UGT1A8: variants seen among roughly 807,000 people sequenced by gnomAD.
UGT1A8 encodes the protein UDP glucuronosyltransferase family 1 member A8.
A neutral mutation model predicts 45.3 loss-of-function variants in UGT1A8; 39 were observed. The ratio of observed to expected loss-of-function variants is 0.86; its 90% CI spans 0.67 to 1.12. The LOEUF (loss-of-function observed/expected upper bound fraction) is 1.12. Among genes scored for constraint, UGT1A8 ranks in the 50% most tolerant of loss-of-function variants. UGT1A8 has a pLI of 0.00. For missense variants in UGT1A8, 719 were observed against 664.9 expected, an observed-to-expected ratio of 1.08 and a Z score of -0.90; for synonymous variants, 275 against 249.2, an observed-to-expected ratio of 1.10 and a Z score of -0.97.
chr2:233,618,254 T>C lies in UGT1A8; in HGVS notation c.547T>C (p.Cys183Arg). The C allele has an allele frequency of 1.2e-6, 2 of 1,613,982 alleles. No individual in the cohort carries two copies. Among genetic ancestry groups the C allele is most frequent in the Non-Finnish European group, 1.7e-6 (2 of 1,179,860 alleles). The change falls in exon 1 of 5, where the codon TGC becomes CGC. Residue 183 changes from cysteine (C) to arginine (R), a missense_variant. Transcript: ENST00000373450. ...CCACTATCTTGAAGAAGGTGCACAG[T>C]GCCCTGCTCCTCTTTCCTATGTCCC... ...ACHYLEEGAQ[C>R]PAPLSYVPRI...
intron 1 of UGT1A8, among the ~76,000 whole-genome samples, chr2:233,652,245 C>T (rs1339709447): frequency 1.3e-5 from 2 of 152,168 alleles, no homozygotes; most frequent in African/African-American, 4.8e-5. Flanking sequence ...TCCAAGGCCT[C>T]TCACCAGGAT....
At chr2:233,753,221 CTTCTTGTAT>C (rs979493311) in intron 1 of UGT1A8, 4 of 152,156 alleles carry the variant, frequency 2.6e-5, no homozygotes, top group African/African-American at 9.7e-5. Flanking sequence ...TATTTTGATA[CTTCTTGTAT>C]AGTTATTATT....
Position 233,767,033 on chromosome 2 carries a change from G to A in UGT1A8, c.856-1G>A, listed in dbSNP as rs1285708223. The stretch of plus-strand genomic sequence containing the variant: ...ACTGAAAATTTTTCTTCTGGCTCTA[G>A]GAATTTGAAGCCTACATTAATGCTT... On this transcript the variant is annotated splice_acceptor_variant, in intron 1 of 4. Coordinates refer to ENST00000373450, the MANE Select transcript of UGT1A8 (RefSeq NM_019076.5). LOFTEE classifies it high-confidence loss of function. 3 of 1,614,026 alleles carry A rather than the reference G, an allele frequency of 1.9e-6. No individual in the cohort carries two copies. The highest frequency in any genetic ancestry group is 2.5e-6 in the Non-Finnish European group (3 of 1,180,004).
At chr2:233,637,324 A>G (rs200910522) in intron 1 of UGT1A8, 17 of 1,614,002 alleles carry the variant, frequency 1.1e-5, no homozygotes, top group East Asian at 2.2e-5. Flanking sequence ...CGTGATGCCC[A>G]ACATGATCTT....
chr2:233,637,303 T>C, intron 1 of UGT1A8: 1 of 1,613,958 alleles, frequency 6.2e-7, no homozygotes, highest in Non-Finnish European at 8.5e-7. Flanking sequence ...TGTTTTGGAC[T>C]ATCCCAAACC....
At chr2:233,747,246 G>A (rs1208197105) in intron 1 of UGT1A8, 9 of 1,601,988 alleles carry the variant, frequency 5.6e-6, no homozygotes, top group Non-Finnish European at 6.8e-6. Context: ...CCCTGCTGTG[G>A]CTGGCCACAG....
chr2:233,690,402 C>T (rs1273231905), intron 1 of UGT1A8: 1 of 1,162,898 alleles, frequency 8.6e-7, no homozygotes, highest in Admixed American at 2.5e-5. Flanking sequence ...TTCCTATTCC[C>T]AACATGAAAT....
Position 233,772,368 on chromosome 2 carries a change from G to A in UGT1A8, c.1402G>A (p.Ala468Thr), listed in dbSNP as rs775532505. Residue 468 changes from alanine to threonine, a missense_variant, in exon 5 of 5, where the codon GCG (alanine) becomes ACG (threonine). Physicochemically the swap from Ala to Thr is moderately conservative, Grantham distance 58. Transcript: ENST00000373450. ...GGAGTTTGTGATGAGGCACAAGGGC[G>A]CGCCACACCTGCGCCCCGCAGCCCA... ...WVEFVMRHKG[A>T]PHLRPAAHDL... 1.1e-4 allele frequency: 174 copies of A among 1,614,102 alleles called. No individual in the cohort carries two copies. In the Middle Eastern group the frequency reaches 1.6e-3, roughly 15 times the overall value.
At chr2:233,717,988 A>G (rs2076619845) in intron 1 of UGT1A8, 1 of 440,500 alleles carries the variant, frequency 2.3e-6, no homozygotes. Context: ...AGGAATTCAG[A>G]CTGTGCAAGA....
intron 1 of UGT1A8, among the ~76,000 whole-genome samples, chr2:233,661,623 T>TTTTCTTTCTTTCTTTCCTTCTTTC: frequency 2.4e-5 from 3 of 124,046 alleles, no homozygotes; most frequent in African/African-American, 9.6e-5. Context: ...ACTTACTGAA[T>TTTTCTTTCTTTCTTTCCTTCTTTC]TTTCTTTCTT....
At chr2:233,731,004 T>C (rs2078096458) in intron 1 of UGT1A8, among the ~76,000 whole-genome samples, 1 of 152,244 alleles carries the variant, frequency 6.6e-6, no homozygotes, top group South Asian at 2.1e-4. Flanking sequence ...CTGTGCCATG[T>C]ACATCGTGAG....
chr2:233,731,619 C>CT (rs1415396682), intron 1 of UGT1A8, among the ~76,000 whole-genome samples: 1 of 152,134 alleles, frequency 6.6e-6, no homozygotes, highest in Non-Finnish European at 1.5e-5. Context: ...TGAACTCATC[C>CT]TTTTTTATGG....
Position 233,712,954 on chromosome 2 carries a change from G to T in UGT1A8, c.856-54080G>T, listed in dbSNP as rs367675101. On this transcript the variant is annotated intron_variant, in intron 1 of 4. Coordinates refer to ENST00000373450, the MANE Select transcript of UGT1A8 (RefSeq NM_019076.5). ...AGGAAACAATTCTAGGAGGCACAAC[G>T]TGGGGTGGACAGTCAGCTGTCGGTG... 79 of 1,612,730 alleles carry T rather than the reference G, an allele frequency of 4.9e-5. No individual in the cohort carries two copies. In the African/African-American group the frequency reaches 8.8e-4, roughly 18 times the overall value.
intron 1 of UGT1A8, among the ~76,000 whole-genome samples, chr2:233,621,389 A>C (rs190571964): frequency 6.6e-6 from 1 of 152,302 alleles, no homozygotes; most frequent in Admixed American, 6.5e-5. Flanking sequence ...GGCTTCGTCT[A>C]TACCATCCAT....
At chr2:233,716,140 C>CT (rs1193699250) in intron 1 of UGT1A8, among the ~76,000 whole-genome samples, 1 of 152,160 alleles carries the variant, frequency 6.6e-6, no homozygotes, top group African/African-American at 2.4e-5. Flanking sequence ...TTCCATGGCC[C>CT]TTTTCCATTT....
intron 1 of UGT1A8, chr2:233,729,158 G>C (rs771653845): frequency 4.5e-5 from 73 of 1,613,350 alleles, no homozygotes; most frequent in Middle Eastern, 1.8e-4. Flanking sequence ...CCCCTGCCGT[G>C]GCTGGCCACA....
At chr2:233,678,506 C>T (rs892905431) in intron 1 of UGT1A8, among the ~76,000 whole-genome samples, 10 of 152,070 alleles carry the variant, frequency 6.6e-5, no homozygotes, top group Admixed American at 1.3e-4. Flanking sequence ...GGAAATACAT[C>T]ATAATTACTG....
intron 1 of UGT1A8, chr2:233,636,683 A>C: frequency 1.2e-6 from 2 of 1,614,126 alleles, no homozygotes; most frequent in Non-Finnish European, 1.7e-6. Flanking sequence ...AGGGGGCATG[A>C]GGTGGTTGTA....
chr2:233,646,238 C>G (rs2125470075), intron 1 of UGT1A8, among the ~76,000 whole-genome samples: 1 of 152,324 alleles, frequency 6.6e-6, no homozygotes, highest in South Asian at 2.1e-4. Flanking sequence ...GGGCCTGTCA[C>G]ACAAAACCAT....
Sources: gnomAD v4.1 joint callset for allele counts (sites outside exome capture counted in the v4.1 genomes callset) on GRCh38, gnomAD v4.1.1 for gene constraint, MANE v1.5 for transcripts, NCBI Gene and HGNC (gene_info 2026-07-23, HGNC 2026-07-21) for gene names.